Variants in COL27A1 observed in about 807,000 individuals in gnomAD.
COL27A1 encodes collagen type XXVII alpha 1 chain, also known as collagen alpha-1(XXVII) chain.
COL27A1 carries 106 observed loss-of-function variants against 251.3 expected under a neutral mutation model. The observed-to-expected ratio is 0.42, with a 90% CI of 0.36 to 0.50. The LOEUF is 0.50. COL27A1 is among the 20% of genes least tolerant of loss of function. The probability of loss-of-function intolerance (pLI) is 0.00; values close to 1 mark genes in which losing one functional copy is unlikely to be tolerated. For missense variants in COL27A1, 2,325 were observed against 2,522.8 expected, an observed-to-expected ratio of 0.92 and a Z score of 1.68; for synonymous variants, 1,000 against 986.3, an observed-to-expected ratio of 1.01 and a Z score of -0.26.
chr9:114,291,751 A>C (rs1197663499), intron 48 of COL27A1, among the ~76,000 whole-genome samples: 4 of 152,196 alleles, frequency 2.6e-5, no homozygotes, highest in Admixed American at 2.6e-4. Flanking sequence ...TCTGTCTAAA[A>C]AAATAAAAAT....
chr9:114,206,778 T>C (rs1332008742), intron 10 of COL27A1, among the ~76,000 whole-genome samples: 1 of 152,138 alleles, frequency 6.6e-6, no homozygotes, highest in African/African-American at 2.4e-5. Flanking sequence ...AAGGCCCCCA[T>C]GGAGCAGACC....
rs1302826490 is a variant in COL27A1, at chr9:114,217,622, G to T, written c.2368-2169G>T. The T allele has an allele frequency of 1.9e-5, 7 of 371,844 alleles. No homozygotes were observed. In the Admixed American group the frequency reaches 2.4e-4, roughly 13 times the overall value. The allele number at this position is 371,844 out of a possible 1,614,324, so 23.0% of individuals were successfully genotyped here. On this transcript the variant is annotated intron_variant, in intron 12 of 60. Coordinates refer to ENST00000356083, the MANE Select transcript of COL27A1 (RefSeq NM_032888.4). Reference sequence around the variant, plus strand: ...ACAGCCAGCCTAGAGGAGAGCCAGGGCTCATCTGCAGGCCATCTCCATATG... The same window carrying T: ...ACAGCCAGCCTAGAGGAGAGCCAGGTCTCATCTGCAGGCCATCTCCATATG...
At chr9:114,248,256 G>A (rs1411120274) in intron 24 of COL27A1, among the ~76,000 whole-genome samples, 1 of 152,208 alleles carries the variant, frequency 6.6e-6, no homozygotes, top group Non-Finnish European at 1.5e-5. Flanking sequence ...AACAGGGCAT[G>A]GGTCTTGCCT....
chr9:114,301,084 A>C lies in COL27A1; in HGVS notation c.4714A>C (p.Ile1572Leu). 4.3e-6 allele frequency: 7 copies of C among 1,611,734 alleles called. No individual in the cohort carries two copies. The highest frequency in any genetic ancestry group is 5.9e-6 in the Non-Finnish European group (7 of 1,178,812). Residue 1572 changes from isoleucine to leucine, a missense_variant, in exon 52 of 61, where the codon ATC becomes CTC. This residue lies in a region of COL27A1 where 327 missense variants were observed against 442.8 expected (regional missense o/e 0.74). Transcript: ENST00000356083. ...GPPGLMGKEGIVGPLGILGPS... is the reference protein window; with the variant it reads ...GPPGLMGKEGLVGPLGILGPS... ...CTGTCTCCTTTAGGGAAAGGAAGGC[A>C]TCGTCGGGCCCCTCGGAATCCTGGG...
chr9:114,287,859 A>G (rs1333774467), intron 41 of COL27A1, among the ~76,000 whole-genome samples: 1 of 152,172 alleles, frequency 6.6e-6, no homozygotes, highest in East Asian at 1.9e-4. Flanking sequence ...AGCAGGTCCC[A>G]TCATCTCTCC....
At chr9:114,308,280 T>C (rs372061893) in intron 59 of COL27A1, among the ~76,000 whole-genome samples, 7 of 152,204 alleles carry the variant, frequency 4.6e-5, no homozygotes, top group African/African-American at 1.4e-4. Flanking sequence ...GACAGCTCCC[T>C]CGCCCAGGGA....
rs2131627370 is a variant in COL27A1 at position 114,290,893 on chromosome 9, A to G, written c.4452A>G (p.Gly1484=). 6.4e-7 allele frequency: 1 copy of G among 1,551,582 alleles called. No individual in the cohort carries two copies. Among genetic ancestry groups the G allele is most frequent in the South Asian group, 1.2e-5 (1 of 84,072 alleles). ...RGNPGVAGLP[G]AQGPPGFKGE... ...ATCCAGGTGTGGCCGGCTTACCTGG[A>G]GCACAGGGACCCCCAGGATTCAAGG... The change falls in exon 48 of 61, where the codon GGA becomes GGG. Residue 1484 remains glycine, a synonymous_variant. Transcript: ENST00000356083. The surrounding 1 kb of genome is among the most constrained non-coding windows in gnomAD (Gnocchi z 4.6).
intron 19 of COL27A1, among the ~76,000 whole-genome samples, chr9:114,238,289 C>T (rs1832530215): frequency 6.6e-6 from 1 of 152,212 alleles, no homozygotes; most frequent in African/African-American, 2.4e-5. Flanking sequence ...CCTGAATGAT[C>T]AACTCGGAAT....
chr9:114,208,374 G>A (rs566720310), intron 10 of COL27A1, among the ~76,000 whole-genome samples: 50 of 152,154 alleles, frequency 3.3e-4, no homozygotes, highest in African/African-American at 1.1e-3. Flanking sequence ...GCTTGAACCC[G>A]GTAAGCAGAG....
intron 1 of COL27A1, 61 bp downstream of exon 1, chr9:114,156,073 G>A: frequency 7.7e-7 from 1 of 1,292,440 alleles, no homozygotes; most frequent in Non-Finnish European, 9.8e-7. Flanking sequence ...CTCGGGGAGG[G>A]CCGGGGTTCC....
intron 26 of COL27A1, 72 bp from the exon 27 acceptor site, chr9:114,252,807 A>C (rs1833631940): frequency 1.3e-6 from 2 of 1,524,416 alleles, no homozygotes; most frequent in Non-Finnish European, 1.8e-6. Flanking sequence ...ACTGGGGCTG[A>C]GCCGACCGAG....
intron 27 of COL27A1, among the ~76,000 whole-genome samples, chr9:114,257,836 T>C (rs909670927): frequency 3.9e-5 from 6 of 152,138 alleles, no homozygotes; most frequent in Non-Finnish European, 8.8e-5. Context: ...AGAACTTGGG[T>C]CACCAGATTC....
chr9:114,236,404 T>C (rs974962810), intron 17 of COL27A1, among the ~76,000 whole-genome samples: 3 of 152,220 alleles, frequency 2.0e-5, no homozygotes, highest in African/African-American at 7.2e-5. Context: ...AGGGAGTAAC[T>C]GGCCTTACAA....
At chr9:114,157,695 A>G (rs2134991327) in intron 1 of COL27A1, among the ~76,000 whole-genome samples, 1 of 152,258 alleles carries the variant, frequency 6.6e-6, no homozygotes, top group Non-Finnish European at 1.5e-5. Flanking sequence ...GCAGTGAGAC[A>G]CTCACAGAAT....
intron 57 of COL27A1, among the ~76,000 whole-genome samples, chr9:114,305,076 C>G (rs1027799302): frequency 4.6e-5 from 7 of 152,208 alleles, no homozygotes; most frequent in Non-Finnish European, 8.8e-5. Context: ...TGCTAAGAAC[C>G]TGCCCTGTGG....
At position 114,300,697 on chromosome 9, in the gene COL27A1, C is replaced by T. The variant is rs1244792106; in HGVS notation, c.4701+10C>T. On this transcript the variant is annotated intron_variant, in intron 51 of 60. Coordinates refer to ENST00000356083, the MANE Select transcript of COL27A1 (RefSeq NM_032888.4). ...GCCACCTGGCTTGATGGTGAGTTCC[C>T]TCCCTGCTGTCGGAGCAGAGATGAT... 7 of 1,497,562 alleles carry T rather than the reference C, an allele frequency of 4.7e-6. No homozygotes were observed. Among genetic ancestry groups the T allele is most frequent in the Non-Finnish European group, 6.2e-6 (7 of 1,125,202 alleles). The allele number at this position is 1,497,562 out of a possible 1,614,324, so 92.8% of individuals were successfully genotyped here. A position where few individuals can be genotyped will look rare whatever the true frequency, so the allele number is the denominator to read the frequency against.
intron 28 of COL27A1, 95 bp from the exon 29 acceptor site, chr9:114,264,260 G>A (rs986403572): frequency 2.1e-6 from 2 of 953,580 alleles, no homozygotes; most frequent in Non-Finnish European, 3.0e-6. Context: ...TTGTGCAGGG[G>A]AAGGCCCCAG....
intron 41 of COL27A1, among the ~76,000 whole-genome samples, chr9:114,286,861 C>G (rs1201289562): frequency 6.6e-6 from 1 of 152,190 alleles, no homozygotes; most frequent in African/African-American, 2.4e-5. Flanking sequence ...TAAGACCTTC[C>G]TTCCTCTCAG....
At chr9:114,268,961 G>A (rs1267469792) in intron 34 of COL27A1, 1 of 360,534 alleles carries the variant, frequency 2.8e-6, no homozygotes, top group Non-Finnish European at 4.9e-6. Context: ...AAAGTCCTTA[G>A]AACAGTACAG....
Sources: gnomAD v4.1 joint callset for allele counts (sites outside exome capture counted in the v4.1 genomes callset) on GRCh38, gnomAD v4.1.1 for gene constraint, gnomAD v4.1.1 regional missense constraint, Gnocchi (gnomAD v3.1) non-coding constraint, MANE v1.5 for transcripts, NCBI Gene and HGNC (gene_info 2026-07-23, HGNC 2026-07-21) for gene names.